FRYL: variants seen among roughly 807,000 people sequenced by gnomAD.
The protein encoded by FRYL is protein furry homolog-like.
Under a neutral mutation model 351.2 loss-of-function variants are expected in FRYL, and 150 were observed. That is an observed-to-expected ratio of 0.43 (90% CI 0.37 to 0.49). The LOEUF is 0.49. Among genes scored for constraint, FRYL ranks in the 20% least tolerant of loss-of-function variants. FRYL has a pLI of 0.00. For missense variants in FRYL, 3,036 were observed against 3,619.3 expected (o/e 0.84, Z 4.13); for synonymous variants, 1,153 against 1,257.1 (o/e 0.92, Z 1.75).
chr4:48,503,803 A>G (rs1055304787), intron 60 of FRYL, among the ~76,000 whole-genome samples: 7 of 152,216 alleles, frequency 4.6e-5, no homozygotes, highest in Non-Finnish European at 1.0e-4. Context: ...CTCATCCAAT[A>G]AACATCAGTT....
At chr4:48,719,992 A>G (rs935136902) in intron 1 of FRYL, among the ~76,000 whole-genome samples, 1 of 150,932 alleles carries the variant, frequency 6.6e-6, no homozygotes, top group Admixed American at 6.7e-5. Context: ...CCTACTAAAA[A>G]TACAAAAATT....
intron 47 of FRYL, among the ~76,000 whole-genome samples, chr4:48,536,467 A>G (rs1728908837): frequency 6.6e-6 from 1 of 152,190 alleles, no homozygotes. Context: ...CTACTCCAAA[A>G]TGTACTGACT....
Position 48,589,779 on chromosome 4 carries a change from G to C in FRYL, c.1606C>G (p.Gln536Glu). 1 of 1,613,690 alleles carries C rather than the reference G, an allele frequency of 6.2e-7. No homozygotes were observed. Among genetic ancestry groups the C allele is most frequent in the Non-Finnish European group, 8.5e-7 (1 of 1,179,732 alleles). ...TCTTCAGGCTCCTTATTAGACATCT[G>C]CACACTGGTCATACACATTGGTCTC... ...VGRPMCMTSVQMSNKEPEDMI... is the reference protein window; with the variant it reads ...VGRPMCMTSVEMSNKEPEDMI... Residue 536 changes from glutamine (Q) to glutamate (E), a missense_variant, in exon 18 of 64, where the codon CAG becomes GAG. Coordinates refer to ENST00000358350, the MANE Select transcript of FRYL (RefSeq NM_015030.2).
Position 48,506,615 on chromosome 4 carries a change from AATATATATATAT to A in FRYL, c.8395-1012_8395-1001del, listed in dbSNP as rs55736457. ...AATTATACTATTAAACAATACAACT[AATATATATATAT>A]ATATATATATATATATATATATATA... On this transcript the variant is annotated intron_variant, in intron 59 of 63. Transcript: ENST00000358350. 609 of 71,522 alleles carry A rather than the reference AATATATATATAT, an allele frequency of 8.5e-3. 5 individuals carry two copies. Among genetic ancestry groups the A allele is most frequent in the African/African-American group, 0.024 (260 of 10,806 alleles). The allele number at this position is 71,522 out of a possible 1,614,324, so 4.4% of individuals were successfully genotyped here.
rs56312141 is a variant in FRYL, at chr4:48,739,421, A to AAAAAAAAT, written c.-383-28724_-383-28723insATTTTTTT. ...GTCTCAAAAAAAAAAAAAAAAAAAA[A>AAAAAAAAT]CAACTAATCTTTGAAAATGGAGCAA... On this transcript the variant is annotated intron_variant, in intron 1 of 63. Transcript: ENST00000358350. Among the ~76,000 whole-genome samples the AAAAAAAAT allele has an allele frequency of 6.8e-5, 8 of 117,116 alleles. 3 individuals carry two copies. Among genetic ancestry groups the AAAAAAAAT allele is most frequent in the Non-Finnish European group, 1.8e-5 (1 of 54,824 alleles). The allele number at this position is 117,116 out of a possible 152,430, so 76.8% of individuals were successfully genotyped here. A position where few individuals can be genotyped will look rare whatever the true frequency, so the allele number is the denominator to read the frequency against.
At position 48,540,892 on chromosome 4, in the gene FRYL, T is replaced by C; in HGVS notation, c.5756A>G (p.Asn1919Ser). ...ACTATTAATGGGACTTGTGCTTAGA[T>C]TGAGTTGTCCAGTGCTTTTCCTGTT... Reference protein sequence around the residue: ...AANRKSTGQLNLSTSPINSSS... With the variant: ...AANRKSTGQLSLSTSPINSSS... Residue 1919 changes from asparagine (N) to serine (S), a missense_variant, in exon 46 of 64, where the codon AAT (asparagine) becomes AGT (serine). Asn to Ser is a conservative substitution (Grantham distance 46). Coordinates refer to ENST00000358350, the MANE Select transcript of FRYL (RefSeq NM_015030.2). The C allele has an allele frequency of 2.5e-6, 4 of 1,613,732 alleles. No individual in the cohort carries two copies. The highest frequency in any genetic ancestry group is 3.4e-6 in the Non-Finnish European group (4 of 1,179,750).
At chr4:48,569,221 T>C (rs1237659015) in intron 27 of FRYL, among the ~76,000 whole-genome samples, 2 of 152,230 alleles carry the variant, frequency 1.3e-5, no homozygotes, top group Non-Finnish European at 2.9e-5. Flanking sequence ...ATTTTTTGCA[T>C]CAAGCCCACA....
At chr4:48,725,439 T>A (rs1769972140) in intron 1 of FRYL, among the ~76,000 whole-genome samples, 1 of 152,210 alleles carries the variant, frequency 6.6e-6, no homozygotes, top group African/African-American at 2.4e-5. Flanking sequence ...TACAACCGTA[T>A]CCCCTTATCC....
intron 2 of FRYL, among the ~76,000 whole-genome samples, chr4:48,696,945 T>G (rs2149569062): frequency 6.6e-6 from 1 of 152,114 alleles, no homozygotes; most frequent in Non-Finnish European, 1.5e-5. Flanking sequence ...TCCATCAGGT[T>G]TTGGCTCAAA....
chr4:48,621,663 G>A (rs1247584443), intron 5 of FRYL, among the ~76,000 whole-genome samples: 2 of 152,100 alleles, frequency 1.3e-5, no homozygotes, highest in African/African-American at 4.8e-5. Context: ...GATATTCAAG[G>A]TCTCTTTTAG....
intron 21 of FRYL, among the ~76,000 whole-genome samples, 168 bp from the exon 22 acceptor site, chr4:48,581,119 C>G (rs1361936133): frequency 6.6e-6 from 1 of 150,842 alleles, no homozygotes; most frequent in Non-Finnish European, 1.5e-5. Context: ...CATCTCGGCT[C>G]ACTGCAAACT....
At chr4:48,568,327 A>C (rs1243570491) in intron 27 of FRYL, among the ~76,000 whole-genome samples, 1 of 152,128 alleles carries the variant, frequency 6.6e-6, no homozygotes, top group Non-Finnish European at 1.5e-5. Flanking sequence ...CCACTGACTG[A>C]CTGATGGAGT....
chr4:48,764,629 C>T (rs906263421), intron 1 of FRYL, among the ~76,000 whole-genome samples: 4 of 151,694 alleles, frequency 2.6e-5, no homozygotes, highest in African/African-American at 9.7e-5. Flanking sequence ...TTTACAACAA[C>T]ATCAAGAAGA....
intron 1 of FRYL, among the ~76,000 whole-genome samples, chr4:48,753,003 G>C (rs1773408845): frequency 6.6e-6 from 1 of 152,098 alleles, no homozygotes; most frequent in Admixed American, 6.5e-5. Flanking sequence ...TGAGGGGTCG[G>C]GGGGAGTGAG....
At chr4:48,555,598 A>C (rs1733901535) in intron 35 of FRYL, among the ~76,000 whole-genome samples, 1 of 152,206 alleles carries the variant, frequency 6.6e-6, no homozygotes, top group South Asian at 2.1e-4. Flanking sequence ...AGTGAGTGTG[A>C]GGGCCCCGAG....
chr4:48,737,701 A>G (rs1287574408), intron 1 of FRYL, among the ~76,000 whole-genome samples: 2 of 152,232 alleles, frequency 1.3e-5, no homozygotes. Context: ...TCGATCATGA[A>G]CATAGATGCA....
intron 1 of FRYL, among the ~76,000 whole-genome samples, chr4:48,751,401 A>G (rs1418397329): frequency 4.6e-5 from 7 of 152,254 alleles, no homozygotes; most frequent in Non-Finnish European, 1.0e-4. Context: ...AAAAATTTCC[A>G]AAGTAAAATA....
At chr4:48,545,051 A>G (rs1236663019) in intron 42 of FRYL, 147 bp from the exon 43 acceptor site, 4 of 698,068 alleles carry the variant, frequency 5.7e-6, no homozygotes, top group Non-Finnish European at 9.1e-6. Context: ...AGGCACATGA[A>G]TATGTAATGA....
chr4:48,638,532 T>A (rs1476326417), intron 3 of FRYL: 1 of 152,114 alleles, frequency 6.6e-6, no homozygotes, highest in South Asian at 2.1e-4. Context: ...GTTCAACCAT[T>A]GTGGAAGACA....
Sources: gnomAD v4.1 joint callset for allele counts (sites outside exome capture counted in the v4.1 genomes callset) on GRCh38, gnomAD v4.1.1 for gene constraint, MANE v1.5 for transcripts, NCBI Gene and HGNC (gene_info 2026-07-23, HGNC 2026-07-21) for gene names.